Variants in TAF3 observed in about 807,000 individuals in gnomAD.
TAF3 encodes TATA-box binding protein associated factor 3.
In TAF3, 7 loss-of-function variants were observed where a neutral mutation model predicts 80.6. That is an observed-to-expected ratio of 0.09 (90% CI 0.05 to 0.16). The LOEUF is 0.16. Among genes scored for constraint, TAF3 ranks in the 10% least tolerant of loss-of-function variants. TAF3 has a pLI of 1.00. For synonymous variants in TAF3, 444 were observed against 446.1 expected (o/e 1.00, Z 0.06); for missense variants, 921 against 1,140.2 (o/e 0.81, Z 2.77).
At chr10:7,929,385 A>G (rs1235841321) in intron 2 of TAF3, among the ~76,000 whole-genome samples, 4 of 152,044 alleles carry the variant, frequency 2.6e-5, no homozygotes, top group Non-Finnish European at 5.9e-5. Context: ...TCTGGATGGT[A>G]GGATTATGGA....
At chr10:8,008,942 A>T in intron 4 of TAF3, 136 bp from the exon 5 acceptor site, 1 of 1,284,720 alleles carries the variant, frequency 7.8e-7, no homozygotes, top group Non-Finnish European at 1.1e-6. Flanking sequence ...CCTGGAACTC[A>T]GTTCTTGAGC....
chr10:7,969,633 G>T (rs1285020936), intron 3 of TAF3, among the ~76,000 whole-genome samples: 1 of 152,130 alleles, frequency 6.6e-6, no homozygotes, highest in Non-Finnish European at 1.5e-5. Flanking sequence ...GAACTGGATG[G>T]TTATACCTAT....
At chr10:7,851,876 C>T (rs1837030239) in intron 2 of TAF3, among the ~76,000 whole-genome samples, 1 of 152,012 alleles carries the variant, frequency 6.6e-6, no homozygotes, top group African/African-American at 2.4e-5. Context: ...CCTCAAACTC[C>T]CAGGCTTTAA....
intron 2 of TAF3, among the ~76,000 whole-genome samples, chr10:7,947,542 C>T (rs754316004): frequency 7.2e-5 from 11 of 152,290 alleles, no homozygotes; most frequent in Admixed American, 2.6e-4. Context: ...TGATCAGAGA[C>T]GGCTTCACTG....
At chr10:7,880,201 G>A (rs1361343255) in intron 2 of TAF3, among the ~76,000 whole-genome samples, 1 of 152,132 alleles carries the variant, frequency 6.6e-6, no homozygotes, top group East Asian at 1.9e-4. Flanking sequence ...ATCACTCACT[G>A]CTCTCCAGCC....
rs76252615 is a variant in TAF3 at position 7,842,974 on chromosome 10, A to T, written c.409+18414A>T. The stretch of plus-strand genomic sequence containing the variant: ...TGCATTTGCAATAATATCCTCCGGA[A>T]TTCTTTCTAATCTGGGAATTCTGAC... On this transcript the variant is annotated intron_variant, in intron 2 of 6. Coordinates refer to ENST00000344293, the MANE Select transcript of TAF3 (RefSeq NM_031923.4). 4.0e-3 allele frequency among the ~76,000 whole-genome samples: 609 copies of T among 152,288 alleles called. 5 individuals are homozygous for T. Among genetic ancestry groups the T allele is most frequent in the African/African-American group, 0.014 (580 of 41,562 alleles).
intron 2 of TAF3, among the ~76,000 whole-genome samples, chr10:7,826,007 A>C (rs1049344864): frequency 6.6e-6 from 1 of 152,252 alleles, no homozygotes; most frequent in Admixed American, 6.5e-5. Context: ...ATTTCTTAGA[A>C]TCGGTTCTAC....
chr10:7,852,115 C>T (rs1201389511), intron 2 of TAF3, among the ~76,000 whole-genome samples: 1 of 152,084 alleles, frequency 6.6e-6, no homozygotes, highest in Non-Finnish European at 1.5e-5. Flanking sequence ...GACGGGGTCT[C>T]ACTTTGTTGC....
At chr10:7,835,933 C>T (rs1836848058) in intron 2 of TAF3, among the ~76,000 whole-genome samples, 1 of 152,106 alleles carries the variant, frequency 6.6e-6, no homozygotes, top group Non-Finnish European at 1.5e-5. Flanking sequence ...CACTTTCTTC[C>T]CAGGATTCCC....
chr10:7,854,416 C>G (rs977580073), intron 2 of TAF3, among the ~76,000 whole-genome samples: 2 of 152,200 alleles, frequency 1.3e-5, no homozygotes, highest in African/African-American at 4.8e-5. Flanking sequence ...GAGATACACA[C>G]ATGGAAGCTC....
intron 2 of TAF3, among the ~76,000 whole-genome samples, chr10:7,896,732 A>G (rs1837507909): frequency 6.6e-6 from 1 of 152,206 alleles, no homozygotes; most frequent in African/African-American, 2.4e-5. Context: ...ACCACATGAC[A>G]AATTACCACA....
At chr10:7,903,774 T>C (rs535423011) in intron 2 of TAF3, among the ~76,000 whole-genome samples, 1 of 152,340 alleles carries the variant, frequency 6.6e-6, no homozygotes, top group East Asian at 1.9e-4. Context: ...ATTTAGCCCA[T>C]GTTTAAGAAA....
At chr10:7,973,785 G>A (rs1034762430) in intron 3 of TAF3, among the ~76,000 whole-genome samples, 2 of 152,134 alleles carry the variant, frequency 1.3e-5, no homozygotes, top group Admixed American at 6.5e-5. Flanking sequence ...TCATAAGACT[G>A]GACCATTTGT....
intron 4 of TAF3, among the ~76,000 whole-genome samples, chr10:7,986,729 G>A (rs1441592687): frequency 2.0e-5 from 3 of 152,144 alleles, no homozygotes; most frequent in African/African-American, 7.2e-5. Flanking sequence ...GCCAATGAGA[G>A]AAAGAAGTCC....
intron 2 of TAF3, among the ~76,000 whole-genome samples, chr10:7,912,046 T>C (rs1192227993): frequency 6.6e-6 from 1 of 152,246 alleles, no homozygotes; most frequent in South Asian, 2.1e-4. Context: ...GATTTACTTA[T>C]TGCTTTTATG....
At chr10:7,871,773 T>G (rs2131146064) in intron 2 of TAF3, among the ~76,000 whole-genome samples, 1 of 152,326 alleles carries the variant, frequency 6.6e-6, no homozygotes, top group South Asian at 2.1e-4. Context: ...TGACATTATA[T>G]GCATGACAGC....
At chr10:7,839,457 A>G (rs1052365633) in intron 2 of TAF3, among the ~76,000 whole-genome samples, 8 of 152,170 alleles carry the variant, frequency 5.3e-5, no homozygotes, top group Non-Finnish European at 1.0e-4. Flanking sequence ...TTCTTAGGGA[A>G]AGTTTTTCAG....
intron 2 of TAF3, among the ~76,000 whole-genome samples, chr10:7,944,316 CTAAAT>C (rs1838004247): frequency 6.6e-6 from 1 of 152,082 alleles, no homozygotes; most frequent in African/African-American, 2.4e-5. Flanking sequence ...AATTTTCTGT[CTAAAT>C]TATGCAGAAA....
chr10:7,867,079 C>T (rs920880692), intron 2 of TAF3, among the ~76,000 whole-genome samples: 3 of 151,918 alleles, frequency 2.0e-5, no homozygotes, highest in South Asian at 2.1e-4. Context: ...GTGAACATGG[C>T]GAAACCCCAT....
Sources: allele counts gnomAD v4.1 joint callset (sites outside exome capture counted in the v4.1 genomes callset), GRCh38; gene constraint gnomAD v4.1.1; transcripts MANE v1.5; gene names NCBI Gene and HGNC (gene_info 2026-07-23, HGNC 2026-07-21).